RNPS1: variants seen among roughly 807,000 people sequenced by gnomAD.
RNPS1 encodes RNA binding protein with serine rich domain 1, also known as RNA-binding protein with serine-rich domain 1.
For missense variants in RNPS1, 300 were observed against 427.6 expected (o/e 0.70, Z 2.63); for synonymous variants, 147 against 150.0 (o/e 0.98, Z 0.15).
chr16:2,256,313 T>G (rs1424347464), intron 6 of RNPS1: 1 of 153,302 alleles, frequency 6.5e-6, no homozygotes, highest in African/African-American at 2.4e-5. Context: ...GTAATCCCAG[T>G]GCTCTGGGAA....
chr16:2,264,913 A>G (rs892720900), intron 1 of RNPS1, 153 bp from the exon 2 acceptor site: 2 of 463,908 alleles, frequency 4.3e-6, no homozygotes, highest in East Asian at 4.4e-5. Flanking sequence ...GACAGTCCCC[A>G]TGTGCTCCTG....
chr16:2,256,600 G>C (rs2093579728), intron 6 of RNPS1: 2 of 152,364 alleles, frequency 1.3e-5, no homozygotes, highest in Non-Finnish European at 2.9e-5. Context: ...GAATCTGCTA[G>C]GTGGAAGAGA....
chr16:2,263,311 A>C, intron 3 of RNPS1, 24 bp from the exon 4 acceptor site: 2 of 1,612,600 alleles, frequency 1.2e-6, no homozygotes, highest in South Asian at 2.2e-5. Flanking sequence ...GAGGGGTCAC[A>C]ACCACCACAC....
intron 1 of RNPS1, chr16:2,267,831 C>G: frequency 4.0e-6 from 6 of 1,501,912 alleles, no homozygotes; most frequent in Non-Finnish European, 5.3e-6. Context: ...GAAGCACAGG[C>G]GCCCTTCCGT....
At chr16:2,267,610 C>T in intron 1 of RNPS1, 4 of 1,075,126 alleles carry the variant, frequency 3.7e-6, no homozygotes, top group Non-Finnish European at 4.5e-6. Context: ...TCCGCGCCCG[C>T]CGACACCGGC....
At chr16:2,259,942 G>A (rs577037155) in intron 6 of RNPS1, among the ~76,000 whole-genome samples, 1 of 152,212 alleles carries the variant, frequency 6.6e-6, no homozygotes, top group African/African-American at 2.4e-5. Context: ...GAAATTAACT[G>A]CATAAACTGA....
At chr16:2,261,551 T>C (rs2093603094) in intron 6 of RNPS1, among the ~76,000 whole-genome samples, 2 of 152,300 alleles carry the variant, frequency 1.3e-5, no homozygotes, top group South Asian at 2.1e-4. Context: ...ACAGTGGGGA[T>C]TGTGGCAGGC....
At chr16:2,255,303 C>T (rs141984549) in intron 7 of RNPS1, among the ~76,000 whole-genome samples, 7 of 152,324 alleles carry the variant, frequency 4.6e-5, no homozygotes, top group Non-Finnish European at 8.8e-5. Context: ...AAAAGGTGGG[C>T]CTGCACCTGG....
intron 1 of RNPS1, chr16:2,266,597 C>T: frequency 1.0e-6 from 1 of 985,312 alleles, no homozygotes; most frequent in Non-Finnish European, 1.2e-6. Flanking sequence ...GTTGTATCTC[C>T]ACGTCCGGAG....
chr16:2,255,274 CTCT>C (rs548471030), intron 7 of RNPS1, among the ~76,000 whole-genome samples: 77 of 152,352 alleles, frequency 5.1e-4, no homozygotes, highest in African/African-American at 1.7e-3. Context: ...CCTCTCCTAG[CTCT>C]TCTTGTTAGC....
intron 6 of RNPS1, among the ~76,000 whole-genome samples, chr16:2,259,837 C>T (rs566537092): frequency 5.3e-5 from 8 of 152,072 alleles, no homozygotes; most frequent in Non-Finnish European, 7.4e-5. Flanking sequence ...TGCAGTGAGC[C>T]GAGATTGCGC....
intron 5 of RNPS1, 92 bp downstream of exon 5, chr16:2,262,648 G>A: frequency 1.7e-6 from 2 of 1,192,790 alleles, no homozygotes; most frequent in Non-Finnish European, 2.4e-6. Flanking sequence ...CACCACCCCA[G>A]TCCTCCAAAA....
chr16:2,268,003 C>A (rs1165916367), intron 1 of RNPS1, 52 bp downstream of exon 1: 37 of 1,533,466 alleles, frequency 2.4e-5, no homozygotes, highest in Middle Eastern at 4.5e-4. Context: ...CCTGCCGGGC[C>A]TGCCGGGCAG....
rs553334661 is a variant in RNPS1 at position 2,260,354 on chromosome 16, C to T, written c.676+1924G>A. 4.6e-5 allele frequency among the ~76,000 whole-genome samples: 7 copies of T among 151,998 alleles called. No individual in the cohort carries two copies. In the East Asian group the frequency reaches 5.8e-4, roughly 13 times the overall value. On this transcript the variant is annotated intron_variant, in intron 6 of 7. Transcript: ENST00000320225. ...TATTTTTATTAGAGACGGGGTTTCACGATGTTGGCCACGCTGGTCTCAAAC... is the reference window on the plus strand; with the variant it reads ...TATTTTTATTAGAGACGGGGTTTCATGATGTTGGCCACGCTGGTCTCAAAC...
intron 4 of RNPS1, 104 bp downstream of exon 4, chr16:2,262,992 C>T: frequency 7.3e-7 from 1 of 1,367,808 alleles, no homozygotes; most frequent in Admixed American, 2.0e-5. Flanking sequence ...TCTCAGAAAT[C>T]CTATTAACAC....
At chr16:2,264,360 C>A (rs762443512) in intron 2 of RNPS1, 29 bp from the exon 3 acceptor site, 31 of 1,613,714 alleles carry the variant, frequency 1.9e-5, no homozygotes, top group Non-Finnish European at 2.4e-5. Context: ...TGTGAGATTG[C>A]GTGCTCCTCT....
intron 6 of RNPS1, among the ~76,000 whole-genome samples, chr16:2,260,564 A>C (rs909971161): frequency 6.6e-6 from 1 of 152,160 alleles, no homozygotes; most frequent in Non-Finnish European, 1.5e-5. Flanking sequence ...AGGGAAGTAA[A>C]ACATGCCACT....
chr16:2,260,147 C>CT (rs776703032), intron 6 of RNPS1, among the ~76,000 whole-genome samples: 5,478 of 72,448 alleles, frequency 0.076, 1,271 homozygotes, highest in Non-Finnish European at 0.12. Flanking sequence ...TGTGTGTATT[C>CT]TTTTTTTTTT....
At chr16:2,261,079 G>A (rs557596312) in intron 6 of RNPS1, among the ~76,000 whole-genome samples, 4 of 151,896 alleles carry the variant, frequency 2.6e-5, no homozygotes, top group Admixed American at 6.5e-5. Context: ...GCAGTGGGCC[G>A]AGGTGGTGCT....
Sources: allele counts gnomAD v4.1 joint callset (sites outside exome capture counted in the v4.1 genomes callset), GRCh38; gene constraint gnomAD v4.1.1; transcripts MANE v1.5; gene names NCBI Gene and HGNC (gene_info 2026-07-23, HGNC 2026-07-21).